The following CACNG3 variants were observed in gnomAD, a reference collection of about 807,000 sequenced individuals.
CACNG3 encodes the protein voltage-dependent calcium channel gamma-3 subunit.
Under a neutral mutation model 28.5 loss-of-function variants are expected in CACNG3, and 3 were observed. The ratio of observed to expected loss-of-function variants is 0.11; its 90% CI spans 0.05 to 0.27. CACNG3 has a LOEUF of 0.27. Ranked by LOEUF, CACNG3 falls within the 10% of genes least tolerant of loss-of-function variation. CACNG3 has a pLI of 1.00. For missense variants in CACNG3, 236 were observed against 414.4 expected (o/e 0.57, Z 3.74); for synonymous variants, 174 against 162.2 (o/e 1.07, Z -0.55).
intron 1 of CACNG3, among the ~76,000 whole-genome samples, chr16:24,277,568 A>T (rs1250674625): frequency 1.3e-5 from 2 of 152,140 alleles, no homozygotes; most frequent in Non-Finnish European, 2.9e-5. Flanking sequence ...TGAGGTCAGG[A>T]GTTCGAGACC....
At chr16:24,299,114 T>G (rs1899073102) in intron 1 of CACNG3, among the ~76,000 whole-genome samples, 1 of 151,990 alleles carries the variant, frequency 6.6e-6, no homozygotes, top group African/African-American at 2.4e-5. Context: ...ACTTAAGGAG[T>G]AGGAAATTAG....
chr16:24,257,373 G>C (rs1360070585), intron 1 of CACNG3, among the ~76,000 whole-genome samples: 1 of 19,358 alleles, frequency 5.2e-5, no homozygotes, highest in Non-Finnish European at 1.1e-4. Context: ...AGGGGGGAGA[G>C]AGAGAGAGAG....
chr16:24,265,410 AAG>A (rs1898595136), intron 1 of CACNG3, among the ~76,000 whole-genome samples: 1 of 141,756 alleles, frequency 7.1e-6, no homozygotes, highest in Non-Finnish European at 1.5e-5. Flanking sequence ...AAGAAAAAGA[AAG>A]AAGAAAGAAG....
At chr16:24,349,481 G>A (rs1185608908) in intron 2 of CACNG3, among the ~76,000 whole-genome samples, 1 of 152,228 alleles carries the variant, frequency 6.6e-6, no homozygotes, top group East Asian at 1.9e-4. Flanking sequence ...ATGGTAAACA[G>A]GAGGCGAATT....
intron 2 of CACNG3, among the ~76,000 whole-genome samples, chr16:24,348,017 A>T (rs905277020): frequency 9.9e-5 from 15 of 152,190 alleles, no homozygotes; most frequent in Non-Finnish European, 2.1e-4. Context: ...CACTGCAGAG[A>T]TGAGCCTTCC....
intron 3 of CACNG3, among the ~76,000 whole-genome samples, chr16:24,360,775 A>G (rs1172753471): frequency 6.6e-6 from 1 of 152,182 alleles, no homozygotes; most frequent in Admixed American, 6.5e-5. Flanking sequence ...GCCTTCTCTC[A>G]CATGCCATCG....
chr16:24,350,040 G>GA (rs142128370), intron 2 of CACNG3, among the ~76,000 whole-genome samples: 8,564 of 152,252 alleles, frequency 0.056, 415 homozygotes, highest in African/African-American at 0.13. Flanking sequence ...ATAGTTTGGG[G>GA]GGAGAAACAG....
intron 2 of CACNG3, among the ~76,000 whole-genome samples, chr16:24,348,224 G>T (rs988091181): frequency 1.3e-5 from 2 of 150,620 alleles, no homozygotes; most frequent in South Asian, 2.1e-4. Flanking sequence ...ATATTAAGTC[G>T]CCAACTCTAC....
chr16:24,263,398 A>G (rs1390774161), intron 1 of CACNG3, among the ~76,000 whole-genome samples: 1 of 152,240 alleles, frequency 6.6e-6, no homozygotes, highest in Non-Finnish European at 1.5e-5. Context: ...TAATAATTTA[A>G]CATTTCTTTG....
chr16:24,358,864 T>G (rs1196982312), intron 3 of CACNG3, among the ~76,000 whole-genome samples: 2 of 152,222 alleles, frequency 1.3e-5, no homozygotes, highest in African/African-American at 2.4e-5. Context: ...TCTGTGTCTG[T>G]TTCCCCATCT....
intron 1 of CACNG3, among the ~76,000 whole-genome samples, chr16:24,299,556 A>G (rs1899078461): frequency 6.6e-6 from 1 of 152,214 alleles, no homozygotes. Flanking sequence ...TGCTATTGGG[A>G]TAATGCTGTT....
chr16:24,325,740 T>C (rs1213230878), intron 1 of CACNG3, among the ~76,000 whole-genome samples: 1 of 152,240 alleles, frequency 6.6e-6, no homozygotes, highest in East Asian at 1.9e-4. Context: ...TAATGTGAGT[T>C]GCTCAGGTTT....
Position 24,351,874 on chromosome 16 carries a change from G to A in CACNG3, c.296-2959G>A, listed in dbSNP as rs1424956994. On this transcript the variant is annotated intron_variant, in intron 2 of 3. Coordinates refer to ENST00000005284, the MANE Select transcript of CACNG3 (RefSeq NM_006539.4). The stretch of plus-strand genomic sequence containing the variant: ...TTTTGAGACAGAATCTCGCAGTGGC[G>A]CGATCTCGGCTCACTGCAAGCTCTG... Among the ~76,000 whole-genome samples, 12 of 140,354 alleles carry A rather than the reference G, an allele frequency of 8.5e-5. No individual in the cohort carries two copies. The East Asian group carries it at 1.9e-3, about 23-fold the overall frequency. 92.1% of individuals were successfully genotyped at this position (140,354 alleles called of 152,430 possible).
At chr16:24,287,224 G>A (rs1898906302) in intron 1 of CACNG3, among the ~76,000 whole-genome samples, 2 of 152,182 alleles carry the variant, frequency 1.3e-5, no homozygotes, top group African/African-American at 2.4e-5. Flanking sequence ...ATGATTAAAA[G>A]TGTAGGCTCT....
chr16:24,361,482 A>T lies in CACNG3; in HGVS notation c.567A>T (p.Ala189=). The change falls in exon 4 of 4, where the codon GCA becomes GCT. Residue 189 remains alanine, a synonymous_variant. Coordinates refer to ENST00000005284, the MANE Select transcript of CACNG3 (RefSeq NM_006539.4). The surrounding 1 kb of genome is among the most constrained non-coding windows in gnomAD (Gnocchi z 6.8). ...FYFGAFSFII[A]EIVGVVAVHI... Reference sequence around the variant, plus strand: ...TCGGAGCCTTCTCTTTCATCATCGCAGAAATTGTAGGAGTGGTTGCCGTGC... The same window carrying T: ...TCGGAGCCTTCTCTTTCATCATCGCTGAAATTGTAGGAGTGGTTGCCGTGC... 2 of 1,614,096 alleles carry T rather than the reference A, an allele frequency of 1.2e-6. No individual in the cohort carries two copies. Among genetic ancestry groups the T allele is most frequent in the Non-Finnish European group, 1.7e-6 (2 of 1,180,016 alleles).
intron 1 of CACNG3, among the ~76,000 whole-genome samples, chr16:24,269,618 G>A (rs1484687400): frequency 1.3e-5 from 2 of 151,868 alleles, no homozygotes; most frequent in African/African-American, 2.4e-5. Flanking sequence ...GTGGTGGTGG[G>A]CACCTGTAAT....
intron 1 of CACNG3, among the ~76,000 whole-genome samples, chr16:24,326,167 C>G (rs113533894): frequency 4.3e-4 from 40 of 92,822 alleles, no homozygotes; most frequent in African/African-American, 1.1e-3. Flanking sequence ...TTTGTTTTTT[C>G]TTTTTTCTTT....
chr16:24,285,198 T>C (rs2141352935), intron 1 of CACNG3, among the ~76,000 whole-genome samples: 1 of 152,284 alleles, frequency 6.6e-6, no homozygotes, highest in Admixed American at 6.5e-5. Context: ...CCAAAAAATA[T>C]GGCCCCTGCT....
intron 1 of CACNG3, among the ~76,000 whole-genome samples, chr16:24,287,370 T>C (rs187022799): frequency 1.3e-5 from 2 of 151,720 alleles, no homozygotes. Context: ...ATACAAATAT[T>C]AGCTGGGCCT....
Sources: gnomAD v4.1 joint callset for allele counts (sites outside exome capture counted in the v4.1 genomes callset) on GRCh38, gnomAD v4.1.1 for gene constraint, Gnocchi (gnomAD v3.1) non-coding constraint, MANE v1.5 for transcripts, NCBI Gene and HGNC (gene_info 2026-07-23, HGNC 2026-07-21) for gene names.